Variants in OPCML observed in about 807,000 individuals in gnomAD.
OPCML encodes opioid-binding protein/cell adhesion molecule.
Under a neutral mutation model 37.8 loss-of-function variants are expected in OPCML, and 13 were observed. The ratio of observed to expected loss-of-function variants is 0.34; its 90% CI spans 0.22 to 0.55. The LOEUF (loss-of-function observed/expected upper bound fraction) is 0.55. OPCML is among the 20% of genes least tolerant of loss of function. The probability of loss-of-function intolerance (pLI) is 0.91; values close to 1 mark genes in which losing one functional copy is unlikely to be tolerated. For synonymous variants in OPCML, 176 were observed against 168.8 expected, an observed-to-expected ratio of 1.04 and a Z score of -0.33; for missense variants, 341 against 435.6, an observed-to-expected ratio of 0.78 and a Z score of 1.93.
chr11:132,996,709 T>C (rs1489910070), intron 1 of OPCML, among the ~76,000 whole-genome samples: 1 of 151,826 alleles, frequency 6.6e-6, no homozygotes, highest in Non-Finnish European at 1.5e-5. Flanking sequence ...GCCAGAAAAG[T>C]CTATCTCAGT....
At chr11:133,073,030 A>C (rs912397757) in intron 1 of OPCML, among the ~76,000 whole-genome samples, 2 of 152,184 alleles carry the variant, frequency 1.3e-5, no homozygotes, top group Non-Finnish European at 2.9e-5. Flanking sequence ...TGAGTGAGTC[A>C]CCATAGCGAA....
intron 1 of OPCML, among the ~76,000 whole-genome samples, chr11:133,209,678 T>C (rs575600563): frequency 2.0e-5 from 3 of 152,272 alleles, no homozygotes; most frequent in South Asian, 4.1e-4. Flanking sequence ...CAGCTACGAG[T>C]AGACTTCTAT....
intron 1 of OPCML, among the ~76,000 whole-genome samples, chr11:133,466,217 G>A (rs1946975022): frequency 6.6e-6 from 1 of 152,204 alleles, no homozygotes; most frequent in Admixed American, 6.5e-5. Flanking sequence ...GCACTGCTGG[G>A]AAGGAGCATG....
chr11:132,654,812 C>T (rs999500404), intron 3 of OPCML, among the ~76,000 whole-genome samples: 15 of 152,208 alleles, frequency 9.9e-5, no homozygotes, highest in Admixed American at 8.5e-4. Flanking sequence ...AGAGAAGCTC[C>T]TCCCCAAAAG....
At chr11:132,737,711 T>G (rs1334968455) in intron 2 of OPCML, among the ~76,000 whole-genome samples, 1 of 152,204 alleles carries the variant, frequency 6.6e-6, no homozygotes, top group Admixed American at 6.5e-5. Flanking sequence ...AAAATTTTTC[T>G]TGGGTAAAAT....
chr11:132,537,926 A>G (rs1413295524), intron 3 of OPCML, among the ~76,000 whole-genome samples: 4 of 152,220 alleles, frequency 2.6e-5, no homozygotes. Flanking sequence ...AAGTTTGGCA[A>G]GGATGTGGAG....
intron 1 of OPCML, among the ~76,000 whole-genome samples, chr11:133,142,519 A>G (rs1565470115): frequency 6.6e-6 from 1 of 152,324 alleles, no homozygotes; most frequent in South Asian, 2.1e-4. Context: ...CTTACTCAAT[A>G]CAAACTACAA....
intron 1 of OPCML, among the ~76,000 whole-genome samples, chr11:133,030,355 C>T (rs553222649): frequency 1.2e-4 from 18 of 152,244 alleles, no homozygotes; most frequent in South Asian, 4.1e-4. Flanking sequence ...CCCCCAAGTA[C>T]GATAATGGTA....
intron 1 of OPCML, among the ~76,000 whole-genome samples, chr11:133,026,758 G>A (rs1210485375): frequency 1.3e-5 from 2 of 152,120 alleles, no homozygotes; most frequent in Admixed American, 1.3e-4. Context: ...TAGTGTCTAA[G>A]TATGACAACT....
chr11:133,012,870 C>CAAAA (rs11456619), intron 1 of OPCML, among the ~76,000 whole-genome samples: 2 of 113,242 alleles, frequency 1.8e-5, no homozygotes, highest in Admixed American at 8.8e-5. Flanking sequence ...AACTCCATCT[C>CAAAA]AAAAAAAAAA....
At chr11:133,140,991 A>C (rs867700726) in intron 1 of OPCML, among the ~76,000 whole-genome samples, 140 of 4,264 alleles carry the variant, frequency 0.033, 40 homozygotes, top group African/African-American at 0.047. Context: ...AAGAAGAAGA[A>C]GAAGAAGACG....
chr11:132,509,618 C>A (rs142439601), intron 4 of OPCML, among the ~76,000 whole-genome samples: 1 of 152,196 alleles, frequency 6.6e-6, no homozygotes, highest in East Asian at 1.9e-4. Flanking sequence ...ACATGTACAG[C>A]GCAGGCTGTG....
intron 2 of OPCML, among the ~76,000 whole-genome samples, chr11:132,909,856 C>T (rs1170109475): frequency 6.6e-6 from 1 of 152,184 alleles, no homozygotes; most frequent in Non-Finnish European, 1.5e-5. Context: ...CTAGAATCTC[C>T]TGCATTTAAA....
intron 2 of OPCML, among the ~76,000 whole-genome samples, chr11:132,776,018 C>G (rs556016508): frequency 2.4e-4 from 37 of 152,176 alleles, no homozygotes; most frequent in Non-Finnish European, 4.4e-4. Flanking sequence ...CAAGCTTTGC[C>G]TCCTGGGTTC....
intron 7 of OPCML, among the ~76,000 whole-genome samples, chr11:132,426,995 G>A (rs1565552683): frequency 6.6e-6 from 1 of 152,194 alleles, no homozygotes; most frequent in African/African-American, 2.4e-5. Context: ...GCTTAAAAAT[G>A]TAGTGTATAT....
chr11:133,136,601 C>T (rs1219687343), intron 1 of OPCML, among the ~76,000 whole-genome samples: 1 of 151,938 alleles, frequency 6.6e-6, no homozygotes, highest in Non-Finnish European at 1.5e-5. Context: ...GGAAGAGGCG[C>T]TCCTGGAATC....
chr11:133,524,982 T>C (rs1056517508), intron 1 of OPCML, among the ~76,000 whole-genome samples: 3 of 152,234 alleles, frequency 2.0e-5, no homozygotes, highest in Non-Finnish European at 4.4e-5. Flanking sequence ...GTTCAACAAA[T>C]ACTGTTTGAG....
At chr11:133,398,769 T>C (rs928417489) in intron 1 of OPCML, among the ~76,000 whole-genome samples, 2 of 152,178 alleles carry the variant, frequency 1.3e-5, no homozygotes, top group Non-Finnish European at 2.9e-5. Context: ...CCAGGCCTCC[T>C]TCACCCAATT....
Position 132,440,627 on chromosome 11 carries a change from G to A in OPCML, c.506-3268C>T, listed in dbSNP as rs187782498. On this transcript the variant is annotated intron_variant, in intron 4 of 7. Transcript: ENST00000524381. ...CACTGTTCTTGGAGTTTAGGGCTCA[G>A]TAGGCTGGCTACACTGAGGCTGAGA... is the stretch of plus-strand genomic sequence containing the variant. Among the ~76,000 whole-genome samples, 187 of 152,326 alleles carry A rather than the reference G, an allele frequency of 1.2e-3. 1 individual carries two copies. The highest frequency in any genetic ancestry group is 4.1e-3 in the African/African-American group (172 of 41,562).
Sources: gnomAD v4.1 joint callset for allele counts (sites outside exome capture counted in the v4.1 genomes callset) on GRCh38, gnomAD v4.1.1 for gene constraint, MANE v1.5 for transcripts, NCBI Gene and HGNC (gene_info 2026-07-23, HGNC 2026-07-21) for gene names.